ZNF160: variants seen among roughly 807,000 people sequenced by gnomAD.
ZNF160 encodes zinc finger protein 160.
In ZNF160, 9 loss-of-function variants were observed where a neutral mutation model predicts 13.1. The ratio of observed to expected loss-of-function variants is 0.69; its 90% CI spans 0.41 to 1.20. The LOEUF is 1.20. Among genes scored for constraint, ZNF160 ranks in the 50% most tolerant of loss-of-function variants. ZNF160 has a pLI of 0.01. For synonymous variants in ZNF160, 293 were observed against 333.2 expected (o/e 0.88, Z 1.31); for missense variants, 838 against 988.0 (o/e 0.85, Z 2.04).
At chr19:53,090,526 G>A (rs2084995622) in intron 2 of ZNF160, among the ~76,000 whole-genome samples, 4 of 152,182 alleles carry the variant, frequency 2.6e-5, no homozygotes, top group Admixed American at 6.5e-5. Flanking sequence ...GAAGGGGATG[G>A]AATAAGATGC....
Position 53,068,672 on chromosome 19 carries a change from T to A in ZNF160, c.1862A>T (p.Tyr621Phe). 1 of 1,614,130 alleles carries A rather than the reference T, an allele frequency of 6.2e-7. No individual in the cohort carries two copies. Among genetic ancestry groups the A allele is most frequent in the African/African-American group, 1.3e-5 (1 of 75,032 alleles). Residue 621 changes from tyrosine to phenylalanine, a missense_variant, in exon 6 of 6, where the codon TAC becomes TTC. Coordinates refer to ENST00000683776, the MANE Select transcript of ZNF160 (RefSeq NM_001322131.2). ...HQAIHTGEKP[Y>F]KCHECGKVFR... Reference sequence around the variant, plus strand: ...AACCTTGCCGCATTCATGACATTTGTAAGGTTTCTCTCCAGTATGTATTGC... The same window carrying A: ...AACCTTGCCGCATTCATGACATTTGAAAGGTTTCTCTCCAGTATGTATTGC...
intron 1 of ZNF160, among the ~76,000 whole-genome samples, chr19:53,099,688 T>C (rs1422868160): frequency 6.6e-6 from 1 of 152,216 alleles, no homozygotes; most frequent in Non-Finnish European, 1.5e-5. Flanking sequence ...TTAATTGCAG[T>C]GGGCACTCCC....
rs147607378 is a variant in ZNF160, at chr19:53,068,433, C to T, written c.2101G>A (p.Gly701Arg). 9.3e-6 allele frequency: 15 copies of T among 1,613,746 alleles called. No individual in the cohort carries two copies. The highest frequency in any genetic ancestry group is 4.4e-5 in the South Asian group (4 of 91,070). ...HLANHQRTHT[G>R]EKPYRCNECG... ...TCATTGCATCGGTAAGGTTTCTCTC[C>T]GGTGTGAGTCCTTTGATGATTTGCA... Residue 701 changes from glycine (G) to arginine (R), a missense_variant, in exon 6 of 6, where the codon GGA becomes AGA. Gly to Arg is a moderately radical substitution (Grantham distance 125). Coordinates refer to ENST00000683776, the MANE Select transcript of ZNF160 (RefSeq NM_001322131.2).
chr19:53,101,904 A>C (rs918470206), intron 1 of ZNF160, among the ~76,000 whole-genome samples: 3 of 149,446 alleles, frequency 2.0e-5, no homozygotes, highest in Non-Finnish European at 4.5e-5. Flanking sequence ...AATGTAACAC[A>C]TTATAAATAG....
At position 53,069,252 on chromosome 19, in the gene ZNF160, T is replaced by C. The variant is rs748367868; in HGVS notation, c.1282A>G (p.Asn428Asp). ...IHTGEKPYKC[N>D]ECGKVFRYNS... ...TACCTAAAGACTTTGCCACATTCAT[T>C]ACATTTGTAAGGTTTTTCTCCAGTG... The change falls in exon 6 of 6, where the codon AAT becomes GAT. Residue 428 changes from asparagine to aspartate, a missense_variant. Coordinates refer to ENST00000683776, the MANE Select transcript of ZNF160 (RefSeq NM_001322131.2). This position sits in a 1 kb window ranked among gnomAD's most constrained non-coding sequence, Gnocchi z 4.4. 11 of 1,612,184 alleles carry C rather than the reference T, an allele frequency of 6.8e-6. No individual in the cohort carries two copies. The highest frequency in any genetic ancestry group is 9.3e-6 in the Non-Finnish European group (11 of 1,178,708).
At chr19:53,100,794 C>A (rs1342430682) in intron 1 of ZNF160, among the ~76,000 whole-genome samples, 2 of 151,212 alleles carry the variant, frequency 1.3e-5, no homozygotes, top group Non-Finnish European at 2.9e-5. Context: ...ACCAGCCTGG[C>A]CAATATAATG....
At chr19:53,078,401 C>T (rs2084491712) in intron 3 of ZNF160, among the ~76,000 whole-genome samples, 2 of 151,388 alleles carry the variant, frequency 1.3e-5, no homozygotes, top group African/African-American at 4.9e-5. Flanking sequence ...CAAAGTGAGA[C>T]CCCATCTCTA....
At chr19:53,098,802 G>A (rs547831194) in intron 1 of ZNF160, among the ~76,000 whole-genome samples, 6 of 145,738 alleles carry the variant, frequency 4.1e-5, no homozygotes, top group Admixed American at 1.4e-4. Flanking sequence ...TGTGTAGAGC[G>A]CGGAAGACCC....
intron 1 of ZNF160, among the ~76,000 whole-genome samples, chr19:53,100,906 C>T (rs28528321): frequency 0.16 from 24,185 of 151,468 alleles, 2,216 homozygotes; most frequent in African/African-American, 0.23. Context: ...TCACTTGAAC[C>T]TGGGAGGTGG....
chr19:53,072,850 TA>T lies in ZNF160; in HGVS notation c.271+1289del, dbSNP rs202182698. 2,294 of 663,082 alleles carry T rather than the reference TA, an allele frequency of 3.5e-3. 1 individual carries two copies. The highest frequency in any genetic ancestry group is 3.7e-3 in the Non-Finnish European group (1,975 of 536,726). 41.1% of individuals were successfully genotyped at this position (663,082 alleles called of 1,614,324 possible). A position where few individuals can be genotyped will look rare whatever the true frequency, so the allele number is the denominator to read the frequency against. ...TGGGCAACAAGAGCGAAACTTCATT[TA>T]AAAAAAAAATTATTGTCCGTGGAAT... On this transcript the variant is annotated intron_variant, in intron 5 of 5. Coordinates refer to ENST00000683776, the MANE Select transcript of ZNF160 (RefSeq NM_001322131.2).
intron 3 of ZNF160, among the ~76,000 whole-genome samples, chr19:53,079,154 A>G (rs1472316111): frequency 1.3e-5 from 2 of 152,238 alleles, no homozygotes; most frequent in Non-Finnish European, 2.9e-5. Flanking sequence ...AAGAAAGTCA[A>G]TGTAATACAC....
At chr19:53,071,812 T>C (rs1453417148) in intron 5 of ZNF160, among the ~76,000 whole-genome samples, 1 of 152,132 alleles carries the variant, frequency 6.6e-6, no homozygotes. Flanking sequence ...CATATGGCTA[T>C]CTCAATTGAA....
At chr19:53,084,267 G>A (rs1568492336) in intron 3 of ZNF160, among the ~76,000 whole-genome samples, 1 of 152,166 alleles carries the variant, frequency 6.6e-6, no homozygotes, top group African/African-American at 2.4e-5. Flanking sequence ...CCACCTGCTC[G>A]CTTCCTCTCC....
rs1448854967 is a variant in ZNF160, at chr19:53,075,593, A to G, written c.16-410T>C. ...TGCCAATAATGGAAGCAAGGCCTCC[A>G]TAATGGGGCCTCCATGAAAACTCAA... is the stretch of plus-strand genomic sequence containing the variant. On this transcript the variant is annotated intron_variant, in intron 3 of 5. Coordinates refer to ENST00000683776, the MANE Select transcript of ZNF160 (RefSeq NM_001322131.2). The G allele has an allele frequency of 1.4e-5, 5 of 366,940 alleles. No homozygotes were observed. In the East Asian group the frequency reaches 3.7e-4, roughly 27 times the overall value. The allele number at this position is 366,940 out of a possible 1,614,324, so 22.7% of individuals were successfully genotyped here. A position where few individuals can be genotyped will look rare whatever the true frequency, so the allele number is the denominator to read the frequency against.
intron 3 of ZNF160, among the ~76,000 whole-genome samples, chr19:53,077,912 CAG>C (rs540697313): frequency 5.9e-5 from 9 of 151,858 alleles, no homozygotes; most frequent in Non-Finnish European, 1.3e-4. Context: ...GAAGAAGAAA[CAG>C]AAATTCTAGA....
At position 53,069,133 on chromosome 19, in the gene ZNF160, G is replaced by C; in HGVS notation, c.1401C>G (p.Asn467Lys). Residue 467 changes from asparagine (N) to lysine (K), a missense_variant, in exon 6 of 6, where the codon AAC becomes AAG. Coordinates refer to ENST00000683776, the MANE Select transcript of ZNF160 (RefSeq NM_001322131.2). The surrounding 1 kb of genome is among the most constrained non-coding windows in gnomAD (Gnocchi z 4.4). ...TATGGATGACCTGATGGGTAGCTAG[G>C]TTTGAATGCATACTGAAGGCTTTGC... ...ECGKAFSMHS[N>K]LATHQVIHTG... 1 of 1,613,952 alleles carries C rather than the reference G, an allele frequency of 6.2e-7. No homozygotes were observed. Among genetic ancestry groups the C allele is most frequent in the Non-Finnish European group, 8.5e-7 (1 of 1,179,976 alleles).
chr19:53,082,675 T>TAAAC (rs143746440), intron 3 of ZNF160, among the ~76,000 whole-genome samples: 1 of 152,076 alleles, frequency 6.6e-6, no homozygotes, highest in African/African-American at 2.4e-5. Context: ...CTCAAAACAA[T>TAAAC]AAACAAACAA....
At chr19:53,095,447 C>T (rs1439797622) in intron 1 of ZNF160, 1 of 151,914 alleles carries the variant, frequency 6.6e-6, no homozygotes, top group Non-Finnish European at 1.5e-5. Context: ...GTTAAAATCC[C>T]CAGGTGCGCT....
chr19:53,097,694 A>G (rs2085289201), intron 1 of ZNF160, among the ~76,000 whole-genome samples: 1 of 152,210 alleles, frequency 6.6e-6, no homozygotes. Flanking sequence ...ACTCCAAATG[A>G]TCATTTCATC....
Sources: gnomAD v4.1 joint callset for allele counts (sites outside exome capture counted in the v4.1 genomes callset) on GRCh38, gnomAD v4.1.1 for gene constraint, Gnocchi (gnomAD v3.1) non-coding constraint, MANE v1.5 for transcripts, NCBI Gene and HGNC (gene_info 2026-07-23, HGNC 2026-07-21) for gene names.